The following DRC8 variants were observed in gnomAD, a reference collection of about 807,000 sequenced individuals.
DRC8 encodes the protein dynein regulatory complex protein 8.
the DRC8 span, among the ~76,000 whole-genome samples, chr1:244,985,093 T>TTTTTTTTTTTG: frequency 9.0e-6 from 1 of 110,678 alleles, no homozygotes. Context: ...TTTTTTTTTT[T>TTTTTTTTTTTG]TTTTTCTGAT....
the DRC8 span, among the ~76,000 whole-genome samples, chr1:245,113,017 G>T: frequency 6.6e-6 from 1 of 152,184 alleles, no homozygotes; most frequent in Non-Finnish European, 1.5e-5. Context: ...GCCTCCCAAA[G>T]TGTTGGGATT....
the DRC8 span, among the ~76,000 whole-genome samples, chr1:244,988,317 C>T: frequency 6.6e-6 from 1 of 151,998 alleles, no homozygotes; most frequent in African/African-American, 2.4e-5. Flanking sequence ...TAACTTGCCT[C>T]AACTGGGATT....
chr1:245,090,352 T>C, the DRC8 span, among the ~76,000 whole-genome samples: 1 of 152,328 alleles, frequency 6.6e-6, no homozygotes. Flanking sequence ...AGTGATAATA[T>C]GTTTCCCTTG....
the DRC8 span, among the ~76,000 whole-genome samples, chr1:245,073,899 C>T: frequency 6.6e-6 from 1 of 152,060 alleles, no homozygotes; most frequent in Non-Finnish European, 1.5e-5. Context: ...TGTATTATCT[C>T]TGTAACAAGA....
At chr1:245,050,703 T>C in the DRC8 span, among the ~76,000 whole-genome samples, 1 of 152,124 alleles carries the variant, frequency 6.6e-6, no homozygotes, top group Non-Finnish European at 1.5e-5. Context: ...TTCTCTTTAA[T>C]AGCCATATTC....
chr1:245,113,397 C>T, the DRC8 span, among the ~76,000 whole-genome samples: 29 of 152,272 alleles, frequency 1.9e-4, no homozygotes, highest in Non-Finnish European at 3.8e-4. Flanking sequence ...CAGACTATAT[C>T]GTCACGTTAC....
At chr1:245,070,877 C>CA in the DRC8 span, among the ~76,000 whole-genome samples, 8 of 152,190 alleles carry the variant, frequency 5.3e-5, no homozygotes, top group Non-Finnish European at 8.8e-5. Flanking sequence ...ACGGGATTAG[C>CA]AATGTTATAA....
At chr1:245,014,363 A>G in the DRC8 span, among the ~76,000 whole-genome samples, 1 of 152,236 alleles carries the variant, frequency 6.6e-6, no homozygotes, top group South Asian at 2.1e-4. Context: ...CATAGAAAAC[A>G]GAGATGGTAA....
chr1:244,982,475 G>A, the DRC8 span, among the ~76,000 whole-genome samples: 1 of 152,134 alleles, frequency 6.6e-6, no homozygotes, highest in African/African-American at 2.4e-5. Flanking sequence ...GACCAGCCTA[G>A]CCAACATGGC....
chr1:245,070,796 C>A, the DRC8 span, among the ~76,000 whole-genome samples: 2 of 152,160 alleles, frequency 1.3e-5, no homozygotes, highest in African/African-American at 2.4e-5. Context: ...GGAGCTTAAA[C>A]CCCAATGAGA....
the DRC8 span, among the ~76,000 whole-genome samples, chr1:245,080,445 A>G: frequency 2.0e-5 from 3 of 152,170 alleles, no homozygotes; most frequent in Admixed American, 6.5e-5. Flanking sequence ...TAGGTACTTA[A>G]TACGTATTAT....
chr1:245,046,617 C>G, the DRC8 span, among the ~76,000 whole-genome samples: 2 of 152,194 alleles, frequency 1.3e-5, no homozygotes, highest in Admixed American at 1.3e-4. Flanking sequence ...TTGCCTCTAG[C>G]CCCGTATTTC....
chr1:245,114,362 G>A, the DRC8 span, among the ~76,000 whole-genome samples: 25 of 152,186 alleles, frequency 1.6e-4, no homozygotes, highest in East Asian at 4.6e-3. Flanking sequence ...CTGCTTGGGA[G>A]GCTGAGGCAG....
chr1:245,023,454 T>A, the DRC8 span, among the ~76,000 whole-genome samples: 1 of 152,248 alleles, frequency 6.6e-6, no homozygotes, highest in African/African-American at 2.4e-5. Flanking sequence ...ACCACTGTAC[T>A]GTTTTCCACA....
the DRC8 span, among the ~76,000 whole-genome samples, chr1:245,084,866 G>T: frequency 6.6e-6 from 1 of 152,326 alleles, no homozygotes. Context: ...GGTCAGAATG[G>T]CAAGGCCGTC....
At chr1:244,980,040 T>TAAAAAAAAAAAAA in the DRC8 span, among the ~76,000 whole-genome samples, 507 of 34,680 alleles carry the variant, frequency 0.015, 78 homozygotes, top group East Asian at 0.036. Flanking sequence ...CCGTCTCTAC[T>TAAAAAAAAAAAAA]AAAAAAAAAA....
chr1:245,051,487 G>A, the DRC8 span, among the ~76,000 whole-genome samples: 1 of 152,142 alleles, frequency 6.6e-6, no homozygotes, highest in Non-Finnish European at 1.5e-5. Flanking sequence ...TGGAGAAAGG[G>A]AAGTGGAGAT....
At chr1:244,998,510 T>C in the DRC8 span, among the ~76,000 whole-genome samples, 5 of 152,202 alleles carry the variant, frequency 3.3e-5, no homozygotes, top group Non-Finnish European at 5.9e-5. Context: ...TGCGCCCAGC[T>C]CCCTTACATA....
the DRC8 span, among the ~76,000 whole-genome samples, chr1:245,062,345 G>T: frequency 6.6e-6 from 1 of 152,100 alleles, no homozygotes; most frequent in Admixed American, 6.5e-5. Flanking sequence ...GCAACTTCCT[G>T]CAAATACTTT....
Sources: gnomAD v4.1 joint callset for allele counts (sites outside exome capture counted in the v4.1 genomes callset) on GRCh38, gnomAD v4.1.1 for gene constraint, MANE v1.5 for transcripts, NCBI Gene and HGNC (gene_info 2026-07-23, HGNC 2026-07-21) for gene names.